FBXL17: variants seen among roughly 807,000 people sequenced by gnomAD.
The protein encoded by FBXL17 is F-box and leucine rich repeat protein 17.
FBXL17 carries 22 observed loss-of-function variants against 66.2 expected under a neutral mutation model. The ratio of observed to expected loss-of-function variants is 0.33; its 90% CI spans 0.24 to 0.47. FBXL17 has a LOEUF of 0.47. FBXL17 is among the 20% of genes least tolerant of loss of function. The pLI is 1.00. For missense variants in FBXL17, 878 were observed against 948.2 expected (o/e 0.93, Z 0.97); for synonymous variants, 474 against 400.5 (o/e 1.18, Z -2.19).
At chr5:108,057,275 T>C (rs1343712233) in intron 6 of FBXL17, among the ~76,000 whole-genome samples, 1 of 152,172 alleles carries the variant, frequency 6.6e-6, no homozygotes, top group East Asian at 1.9e-4. Flanking sequence ...CACATTAAAA[T>C]AGCCAGAGCA....
chr5:107,989,167 T>C (rs1174038421), intron 7 of FBXL17, among the ~76,000 whole-genome samples: 1 of 152,118 alleles, frequency 6.6e-6, no homozygotes, highest in African/African-American at 2.4e-5. Flanking sequence ...CTTCTGGCTA[T>C]TTTGAAATGC....
In FBXL17 at chr5:107,879,112, A is replaced by G. The variant is rs1748700655; in HGVS notation, c.1965+1925T>C. The stretch of plus-strand genomic sequence containing the variant: ...GGTCAGCAAATATGTCTGGAATAAC[A>G]TTCTCCTGTAGTAACTGTAACATAC... On this transcript the variant is annotated intron_variant, in intron 8 of 8. Transcript: ENST00000542267. 5.1e-6 allele frequency: 5 copies of G among 985,382 alleles called. No individual in the cohort carries two copies. The South Asian group carries it at 1.9e-4, about 37-fold the overall frequency. The allele number at this position is 985,382 out of a possible 1,614,324, so 61.0% of individuals were successfully genotyped here. A position where few individuals can be genotyped will look rare whatever the true frequency, so the allele number is the denominator to read the frequency against.
chr5:108,273,024 A>G (rs1757338970), intron 4 of FBXL17, among the ~76,000 whole-genome samples: 1 of 152,162 alleles, frequency 6.6e-6, no homozygotes, highest in African/African-American at 2.4e-5. Context: ...GGGAGACATC[A>G]CATGTCGGTA....
intron 6 of FBXL17, among the ~76,000 whole-genome samples, chr5:108,076,492 A>C (rs1488867842): frequency 2.6e-5 from 4 of 152,232 alleles, no homozygotes; most frequent in Non-Finnish European, 5.9e-5. Flanking sequence ...AATTCTATAC[A>C]TAAAGTACAG....
At chr5:107,908,280 G>C (rs891982928) in intron 7 of FBXL17, among the ~76,000 whole-genome samples, 1 of 152,134 alleles carries the variant, frequency 6.6e-6, no homozygotes, top group Non-Finnish European at 1.5e-5. Flanking sequence ...ATTTAGTCAA[G>C]TTAGGTTATT....
intron 6 of FBXL17, among the ~76,000 whole-genome samples, chr5:108,143,306 A>T (rs1022514195): frequency 6.6e-6 from 1 of 151,868 alleles, no homozygotes; most frequent in African/African-American, 2.4e-5. Context: ...TCAATAAATG[A>T]ACATAGACAA....
chr5:108,233,126 G>C (rs1461376448), intron 4 of FBXL17, among the ~76,000 whole-genome samples: 1 of 151,920 alleles, frequency 6.6e-6, no homozygotes, highest in Non-Finnish European at 1.5e-5. Flanking sequence ...CTAAGTTGCA[G>C]GAGTTCTTTA....
chr5:108,278,177 G>A lies in FBXL17; in HGVS notation c.1507-53949C>T, dbSNP rs144801502. On this transcript the variant is annotated intron_variant, in intron 4 of 8. Transcript: ENST00000542267. ...TTCCCACAAGGGAATTATACAATCC[G>A]GGCCACCAGAGAACGCCCTGACCCT... is the stretch of plus-strand genomic sequence containing the variant. 5.6e-3 allele frequency among the ~76,000 whole-genome samples: 857 copies of A among 152,224 alleles called. 14 individuals are homozygous for A. The highest frequency in any genetic ancestry group is 0.018 in the African/African-American group (759 of 41,514).
intron 8 of FBXL17, among the ~76,000 whole-genome samples, chr5:107,878,053 T>C (rs1410755076): frequency 6.6e-6 from 1 of 152,196 alleles, no homozygotes; most frequent in Non-Finnish European, 1.5e-5. Flanking sequence ...TGCATCCCTG[T>C]GCTGGAGTAA....
At chr5:107,955,078 T>C (rs1398792071) in intron 7 of FBXL17, among the ~76,000 whole-genome samples, 2 of 152,088 alleles carry the variant, frequency 1.3e-5, no homozygotes, top group Non-Finnish European at 2.9e-5. Context: ...GTTTTAATTA[T>C]AAAACAATTT....
intron 6 of FBXL17, among the ~76,000 whole-genome samples, chr5:108,066,437 A>G (rs1414052172): frequency 2.0e-5 from 3 of 151,998 alleles, no homozygotes; most frequent in South Asian, 2.1e-4. Flanking sequence ...TTATTGAAAG[A>G]CTTAAAATGA....
chr5:107,973,916 G>C (rs1752482629), intron 7 of FBXL17, among the ~76,000 whole-genome samples: 1 of 151,348 alleles, frequency 6.6e-6, no homozygotes, highest in Admixed American at 6.6e-5. Flanking sequence ...TAGTGATAAA[G>C]AGTAGCAACT....
At chr5:108,364,600 A>C in intron 3 of FBXL17, 138 bp downstream of exon 3, 1 of 668,070 alleles carries the variant, frequency 1.5e-6, no homozygotes, top group Admixed American at 3.0e-5. Flanking sequence ...AATCTAAACA[A>C]ATATTCATTA....
chr5:108,299,294 C>T (rs1405761593), intron 4 of FBXL17: 28 of 984,708 alleles, frequency 2.8e-5, no homozygotes, highest in Non-Finnish European at 3.4e-5. Flanking sequence ...CCAAATTAAA[C>T]CTGAGGTTCT....
rs565466538 is a variant in FBXL17 at position 108,055,321 on chromosome 5, G to A, written c.1746-34320C>T. Among the ~76,000 whole-genome samples the A allele has an allele frequency of 9.1e-3, 946 of 104,126 alleles. 45 individuals carry two copies. Among genetic ancestry groups the A allele is most frequent in the African/African-American group, 0.034 (884 of 25,976 alleles). 68.3% of individuals were successfully genotyped at this position (104,126 alleles called of 152,430 possible). A position where few individuals can be genotyped will look rare whatever the true frequency, so the allele number is the denominator to read the frequency against. Reference sequence around the variant, plus strand: ...AAAAAAAAAAAAAAAAAAGAAAAACGCTTCAGGCCGGGCACGGTGGCTCAT... The same window carrying A: ...AAAAAAAAAAAAAAAAAAGAAAAACACTTCAGGCCGGGCACGGTGGCTCAT... On this transcript the variant is annotated intron_variant, in intron 6 of 8. Coordinates refer to ENST00000542267, the MANE Select transcript of FBXL17 (RefSeq NM_001163315.3).
chr5:108,352,990 C>A (rs1186917490), intron 3 of FBXL17, among the ~76,000 whole-genome samples: 1 of 151,954 alleles, frequency 6.6e-6, no homozygotes, highest in East Asian at 1.9e-4. Context: ...TCTAGATGAT[C>A]CAAGTTAGAG....
chr5:108,172,096 G>C (rs551094598), intron 6 of FBXL17, among the ~76,000 whole-genome samples: 1 of 152,234 alleles, frequency 6.6e-6, no homozygotes, highest in African/African-American at 2.4e-5. Flanking sequence ...CCCAACAGCA[G>C]CGTGAAAACA....
chr5:108,346,914 A>T (rs991349843), intron 4 of FBXL17, among the ~76,000 whole-genome samples: 4 of 152,162 alleles, frequency 2.6e-5, no homozygotes, highest in African/African-American at 9.7e-5. Flanking sequence ...CTCAAGAATG[A>T]CTATTACATA....
chr5:108,014,164 G>A (rs542554197), intron 7 of FBXL17, among the ~76,000 whole-genome samples: 1 of 152,170 alleles, frequency 6.6e-6, no homozygotes, highest in East Asian at 1.9e-4. Flanking sequence ...TATACCTATA[G>A]AAGACTGTTT....
Sources: gnomAD v4.1 joint callset for allele counts (sites outside exome capture counted in the v4.1 genomes callset) on GRCh38, gnomAD v4.1.1 for gene constraint, MANE v1.5 for transcripts, NCBI Gene and HGNC (gene_info 2026-07-23, HGNC 2026-07-21) for gene names.